Variants in RHPN2 observed in about 807,000 individuals in gnomAD.
RHPN2 encodes the protein rhophilin Rho GTPase binding protein 2.
In RHPN2, 40 loss-of-function variants were observed where a neutral mutation model predicts 79.0. The ratio of observed to expected loss-of-function variants is 0.51; its 90% CI spans 0.39 to 0.66. The LOEUF is 0.66. Ranked by LOEUF, RHPN2 falls within the 30% of genes least tolerant of loss-of-function variation. RHPN2 has a pLI of 0.00. For missense variants in RHPN2, 686 were observed against 883.5 expected (o/e 0.78, Z 2.83); for synonymous variants, 285 against 363.5 (o/e 0.78, Z 2.46).
At chr19:32,984,576 T>C (rs1971600757) in intron 14 of RHPN2, among the ~76,000 whole-genome samples, 1 of 151,966 alleles carries the variant, frequency 6.6e-6, no homozygotes, top group African/African-American at 2.4e-5. Flanking sequence ...GGAGAATCGC[T>C]TGAACCCGGG....
chr19:33,006,622 C>T (rs2145234431), intron 7 of RHPN2, among the ~76,000 whole-genome samples: 1 of 152,332 alleles, frequency 6.6e-6, no homozygotes, highest in African/African-American at 2.4e-5. Flanking sequence ...CTACACTGTG[C>T]CCTGCTCTTG....
chr19:33,050,544 A>AT (rs1278023624), intron 1 of RHPN2, among the ~76,000 whole-genome samples: 3 of 152,186 alleles, frequency 2.0e-5, no homozygotes, highest in Non-Finnish European at 2.9e-5. Flanking sequence ...TCTGATTTCT[A>AT]TCACCACATA....
At chr19:33,026,153 A>T (rs1971964572) in intron 3 of RHPN2, among the ~76,000 whole-genome samples, 2 of 145,974 alleles carry the variant, frequency 1.4e-5, no homozygotes, top group South Asian at 4.3e-4. Context: ...ACGCCTGGCT[A>T]TTTTTTTTTT....
At chr19:33,052,376 C>T (rs1056276888) in intron 1 of RHPN2, among the ~76,000 whole-genome samples, 5 of 152,168 alleles carry the variant, frequency 3.3e-5, no homozygotes, top group Admixed American at 6.6e-5. Flanking sequence ...AAGGTTCAGG[C>T]GTAAAACTAA....
chr19:33,058,301 A>G (rs567980591), intron 1 of RHPN2, among the ~76,000 whole-genome samples: 2 of 152,370 alleles, frequency 1.3e-5, no homozygotes, highest in East Asian at 3.9e-4. Flanking sequence ...GTATCGAGTC[A>G]GGGTCTGGAA....
At chr19:33,055,161 G>A (rs923653763) in intron 1 of RHPN2, among the ~76,000 whole-genome samples, 2 of 152,030 alleles carry the variant, frequency 1.3e-5, no homozygotes, top group Non-Finnish European at 2.9e-5. Context: ...ACCAGCCTAG[G>A]CAACACAGTA....
intron 9 of RHPN2, 141 bp from the exon 10 acceptor site, chr19:32,999,846 C>T (rs1158240135): frequency 9.4e-6 from 10 of 1,067,442 alleles, no homozygotes; most frequent in African/African-American, 4.8e-5. Context: ...TTTCTGCCCC[C>T]GGACACACCC....
At chr19:33,007,225 G>A (rs1449563741) in intron 7 of RHPN2, among the ~76,000 whole-genome samples, 2 of 151,954 alleles carry the variant, frequency 1.3e-5, no homozygotes, top group East Asian at 3.9e-4. Context: ...GGTGGCTCAT[G>A]CCTGTAATCC....
intron 6 of RHPN2, among the ~76,000 whole-genome samples, chr19:33,010,279 A>C (rs949721658): frequency 1.3e-5 from 2 of 152,034 alleles, no homozygotes; most frequent in Non-Finnish European, 2.9e-5. Flanking sequence ...GAAACATTGA[A>C]TTCTGATATG....
Position 33,002,275 on chromosome 19 carries a change from G to A in RHPN2, c.1077C>T (p.Phe359=). The part of the protein sequence containing the change: ...AHHYAALAHY[F]TAILLIDHQV... ...GGTGGTCGATGAGGAGGATGGCAGT[G>A]AAGTAGTGGGCCAGGGCCGCGTAGT... Residue 359 remains phenylalanine (F), a synonymous_variant, in exon 9 of 15, where the codon TTC becomes TTT. Coordinates refer to ENST00000254260, the MANE Select transcript of RHPN2 (RefSeq NM_033103.5). 1 of 1,613,550 alleles carries A rather than the reference G, an allele frequency of 6.2e-7. No individual in the cohort carries two copies. The highest frequency in any genetic ancestry group is 8.5e-7 in the Non-Finnish European group (1 of 1,179,858).
chr19:33,045,402 T>C (rs1972134223), intron 1 of RHPN2, among the ~76,000 whole-genome samples: 1 of 152,056 alleles, frequency 6.6e-6, no homozygotes, highest in South Asian at 2.1e-4. Flanking sequence ...CCATATACCA[T>C]ACGTTTTGCC....
intron 14 of RHPN2, among the ~76,000 whole-genome samples, chr19:32,984,441 C>T (rs560338298): frequency 5.3e-5 from 8 of 152,210 alleles, no homozygotes; most frequent in East Asian, 3.9e-4. Context: ...GGCCAATCAC[C>T]GGAGGCCAGG....
At chr19:32,982,370 G>T (rs1971581547) in intron 14 of RHPN2, among the ~76,000 whole-genome samples, 1 of 151,976 alleles carries the variant, frequency 6.6e-6, no homozygotes, top group African/African-American at 2.4e-5. Flanking sequence ...TCACGCCACT[G>T]CACTCCAGCC....
chr19:33,036,388 C>A (rs1324219855), intron 2 of RHPN2, among the ~76,000 whole-genome samples: 1 of 152,042 alleles, frequency 6.6e-6, no homozygotes, highest in Non-Finnish European at 1.5e-5. Context: ...CGTGTATAGT[C>A]CCAGCTGCTT....
chr19:33,011,406 G>T (rs1011718295), intron 6 of RHPN2, among the ~76,000 whole-genome samples: 1 of 152,136 alleles, frequency 6.6e-6, no homozygotes, highest in African/African-American at 2.4e-5. Context: ...CTTCCCCAGT[G>T]ATACAACGAG....
At chr19:33,026,429 T>A in intron 3 of RHPN2, 75 bp downstream of exon 3, 1 of 1,577,702 alleles carries the variant, frequency 6.3e-7, no homozygotes, top group Non-Finnish European at 8.6e-7. Flanking sequence ...CTATCTGACC[T>A]CTTTGTGCAG....
intron 14 of RHPN2, among the ~76,000 whole-genome samples, chr19:32,984,000 G>A (rs1246258387): frequency 3.9e-5 from 6 of 152,140 alleles, no homozygotes; most frequent in Admixed American, 3.9e-4. Context: ...GAACTCTTAG[G>A]GCTTTACAGA....
chr19:33,007,384 G>T (rs1488873741), intron 7 of RHPN2, among the ~76,000 whole-genome samples: 1 of 152,046 alleles, frequency 6.6e-6, no homozygotes, highest in African/African-American at 2.4e-5. Context: ...CTACTCAGGA[G>T]GCTGAGGCAG....
At chr19:33,026,266 C>T (rs889506845) in intron 3 of RHPN2, among the ~76,000 whole-genome samples, 3 of 152,100 alleles carry the variant, frequency 2.0e-5, no homozygotes, top group South Asian at 2.1e-4. Context: ...AGTGAGCCAC[C>T]GTGCCCGGCC....
Sources: allele counts gnomAD v4.1 joint callset (sites outside exome capture counted in the v4.1 genomes callset), GRCh38; gene constraint gnomAD v4.1.1; transcripts MANE v1.5; gene names NCBI Gene and HGNC (gene_info 2026-07-23, HGNC 2026-07-21).